The following RASGRP2 variants were observed in gnomAD, a reference collection of about 807,000 sequenced individuals.
RASGRP2 encodes RAS guanyl-releasing protein 2.
RASGRP2 carries 44 observed loss-of-function variants against 71.0 expected under a neutral mutation model. The observed-to-expected ratio is 0.62, with a 90% CI of 0.49 to 0.80. The LOEUF (loss-of-function observed/expected upper bound fraction) is 0.80. Among genes scored for constraint, RASGRP2 ranks in the 30% least tolerant of loss-of-function variants. The probability of loss-of-function intolerance (pLI) is 0.00; values close to 1 mark genes in which losing one functional copy is unlikely to be tolerated. For missense variants in RASGRP2, 663 were observed against 813.4 expected (o/e 0.82, Z 2.25); for synonymous variants, 350 against 330.7 (o/e 1.06, Z -0.63).
chr11:64,739,607 G>A lies in RASGRP2; in HGVS notation c.696+29C>T, dbSNP rs1286257396. On this transcript the variant is annotated intron_variant, in intron 7 of 16. Transcript: ENST00000394432. This position sits in a 1 kb window ranked among gnomAD's most constrained non-coding sequence, Gnocchi z 4.2. ...GGCCTGACTGGCATGTGGGGTGGTT[G>A]GGAGACACCGGGAGGGAGGGGCAGG... 6.2e-7 allele frequency: 1 copy of A among 1,612,720 alleles called. No homozygotes were observed. The highest frequency in any genetic ancestry group is 1.7e-5 in the Admixed American group (1 of 60,018).
intron 13 of RASGRP2, 31 bp downstream of exon 13, chr11:64,730,022 T>C: frequency 6.5e-7 from 1 of 1,546,472 alleles, no homozygotes; most frequent in Non-Finnish European, 8.7e-7. Flanking sequence ...GGGGCGTGGC[T>C]TGGGCCGTGA....
intron 8 of RASGRP2, among the ~76,000 whole-genome samples, chr11:64,737,561 A>G (rs1283627706): frequency 6.6e-6 from 1 of 151,764 alleles, no homozygotes; most frequent in Non-Finnish European, 1.5e-5. Flanking sequence ...AGTCCCAGCT[A>G]CTCAGGAGGC....
At position 64,727,342 on chromosome 11, in the gene RASGRP2, A is replaced by ACCT; in HGVS notation, c.1787_1789dup (p.Glu596dup). On this transcript the variant is annotated inframe_insertion, in exon 16 of 17. Transcript: ENST00000394432. ...AAACACCCCATCCTCCACCGTCTGT[A>ACCT]CCTCCTCCTCACGGATCTCTGCTGG... 1.2e-6 allele frequency: 2 copies of ACCT among 1,613,558 alleles called. No individual in the cohort carries two copies. Among genetic ancestry groups the ACCT allele is most frequent in the Non-Finnish European group, 1.7e-6 (2 of 1,179,840 alleles).
At chr11:64,732,831 T>C (rs2057805521) in intron 12 of RASGRP2, among the ~76,000 whole-genome samples, 1 of 149,306 alleles carries the variant, frequency 6.7e-6, no homozygotes, top group Non-Finnish European at 1.5e-5. Context: ...GCGCCTGTAA[T>C]CCCAGCTACT....
intron 3 of RASGRP2, 28 bp downstream of exon 3, chr11:64,741,982 G>T (rs1463776996): frequency 6.3e-7 from 1 of 1,586,174 alleles, no homozygotes; most frequent in Non-Finnish European, 8.6e-7. Context: ...CCGACGGCGG[G>T]GGCCTTGGCA....
At chr11:64,741,682 T>C in intron 3 of RASGRP2, 181 bp from the exon 4 acceptor site, 1 of 706,790 alleles carries the variant, frequency 1.4e-6, no homozygotes, top group South Asian at 1.6e-5. Context: ...GAGGACTAGG[T>C]GCTGAGGGAG....
At chr11:64,737,261 C>A (rs965859256) in intron 8 of RASGRP2, 5 of 582,298 alleles carry the variant, frequency 8.6e-6, no homozygotes, top group Middle Eastern at 9.3e-4. Context: ...CTAAACCAGG[C>A]CTGGATGCAG....
chr11:64,727,146 A>T lies in RASGRP2; in HGVS notation c.*7-15T>A. The T allele has an allele frequency of 1.5e-6, 1 of 675,056 alleles. No homozygotes were observed. The highest frequency in any genetic ancestry group is 1.5e-5 in the South Asian group (1 of 64,586). The allele number at this position is 675,056 out of a possible 1,614,324, so 41.8% of individuals were successfully genotyped here. On this transcript the variant is annotated splice_polypyrimidine_tract_variant and intron_variant, in intron 16 of 16. Transcript: ENST00000394432. ...TCCAACCACAGCTGGGAAGAGAAAA[A>T]CAGGTTGTGAGGAAGACACCCCCCT...
chr11:64,743,168 G>A lies in RASGRP2; in HGVS notation c.-71-231C>T, dbSNP rs1267090703. The A allele has an allele frequency of 3.3e-6, 2 of 604,934 alleles. No individual in the cohort carries two copies. The highest frequency in any genetic ancestry group is 6.2e-6 in the Non-Finnish European group (2 of 323,470). 37.5% of individuals were successfully genotyped at this position (604,934 alleles called of 1,614,324 possible). A position where few individuals can be genotyped will look rare whatever the true frequency, so the allele number is the denominator to read the frequency against. ...CCCTCGGAGTCGCGGGAAGGCCGAG[G>A]GGCTTCACGAGGATGGGGACGAACC... is the stretch of plus-strand genomic sequence containing the variant. On this transcript the variant is annotated intron_variant, in intron 1 of 16. Transcript: ENST00000394432. This position sits in a 1 kb window ranked among gnomAD's most constrained non-coding sequence, Gnocchi z 4.9.
Position 64,739,496 on chromosome 11 carries a change from G to C in RASGRP2, c.697-20C>G, listed in dbSNP as rs374926495. 28 of 1,611,232 alleles carry C rather than the reference G, an allele frequency of 1.7e-5. No homozygotes were observed. Among genetic ancestry groups the C allele is most frequent in the Non-Finnish European group, 2.3e-5 (27 of 1,177,528 alleles). Reference sequence around the variant, plus strand: ...CAGCTTCTGGAAGGCAAATGGGGACGGAGAGGCAGGGAGTCACTGAGTGGG... The same window carrying C: ...CAGCTTCTGGAAGGCAAATGGGGACCGAGAGGCAGGGAGTCACTGAGTGGG... On this transcript the variant is annotated intron_variant, in intron 7 of 16. Transcript: ENST00000394432. The surrounding 1 kb of genome is among the most constrained non-coding windows in gnomAD (Gnocchi z 4.2).
chr11:64,744,972 C>T (rs1342710043), upstream of RASGRP2: 2 of 150,630 alleles, frequency 1.3e-5, no homozygotes, highest in Admixed American at 1.3e-4. Context: ...CCCTCTCGCC[C>T]CGCACGCGGC....
chr11:64,740,574 G>A (rs140783320), intron 5 of RASGRP2: 28 of 661,424 alleles, frequency 4.2e-5, no homozygotes, highest in Admixed American at 1.7e-4. Context: ...ATTCTACCCC[G>A]GAAGAGCCCC....
chr11:64,743,306 CCCTCCCTCCACAG>C lies in RASGRP2; in HGVS notation c.-71-382_-71-370del. 1 of 459,866 alleles carries C rather than the reference CCCTCCCTCCACAG, an allele frequency of 2.2e-6. No homozygotes were observed. The highest frequency in any genetic ancestry group is 4.3e-6 in the Non-Finnish European group (1 of 230,574). The allele number at this position is 459,866 out of a possible 1,614,324, so 28.5% of individuals were successfully genotyped here. A position where few individuals can be genotyped will look rare whatever the true frequency, so the allele number is the denominator to read the frequency against. ...GCTCGGCTCTGCGCCCCTCCCGCTT[CCCTCCCTCCACAG>C]CCTCCCTTCCCCCGCAGGGTTATTT... is the stretch of plus-strand genomic sequence containing the variant. On this transcript the variant is annotated intron_variant, in intron 1 of 16. Transcript: ENST00000394432. The surrounding 1 kb of genome is among the most constrained non-coding windows in gnomAD (Gnocchi z 4.9).
rs1041119294 is a variant in RASGRP2, at chr11:64,743,935, G to C, written c.-72+68C>G. On this transcript the variant is annotated intron_variant, in intron 1 of 16. Transcript: ENST00000394432. This position sits in a 1 kb window ranked among gnomAD's most constrained non-coding sequence, Gnocchi z 4.9. ...CACAGGCACCGGCCTCCCATCCTCCGTCTCTCACACACAATGGCACCCACA... is the reference window on the plus strand; with the variant it reads ...CACAGGCACCGGCCTCCCATCCTCCCTCTCTCACACACAATGGCACCCACA... 4 of 993,646 alleles carry C rather than the reference G, an allele frequency of 4.0e-6. No individual in the cohort carries two copies. Among genetic ancestry groups the C allele is most frequent in the Non-Finnish European group, 4.8e-6 (4 of 827,902 alleles). The allele number at this position is 993,646 out of a possible 1,614,324, so 61.6% of individuals were successfully genotyped here.
Position 64,740,458 on chromosome 11 carries a change from G to A in RASGRP2, c.372-295C>T, listed in dbSNP as rs768212600. ...GAGGAGCTCACAGTCTACTGAGGGA[G>A]ACAGACACAGAAACACATGATCACA... On this transcript the variant is annotated intron_variant, in intron 5 of 16. Transcript: ENST00000394432. 21 of 641,684 alleles carry A rather than the reference G, an allele frequency of 3.3e-5. 1 individual carries two copies. Among genetic ancestry groups the A allele is most frequent in the South Asian group, 3.2e-4 (21 of 66,080 alleles). 39.7% of individuals were successfully genotyped at this position (641,684 alleles called of 1,614,324 possible). A position where few individuals can be genotyped will look rare whatever the true frequency, so the allele number is the denominator to read the frequency against.
At chr11:64,727,973 T>C (rs2057628267) in intron 15 of RASGRP2, among the ~76,000 whole-genome samples, 1 of 152,254 alleles carries the variant, frequency 6.6e-6, no homozygotes, top group Non-Finnish European at 1.5e-5. Flanking sequence ...AATGGATTTA[T>C]CTTTTCTATT....
Position 64,735,672 on chromosome 11 carries a change from A to C in RASGRP2, c.1174-8T>G. 3 of 1,607,712 alleles carry C rather than the reference A, an allele frequency of 1.9e-6. No homozygotes were observed. Among genetic ancestry groups the C allele is most frequent in the Non-Finnish European group, 2.5e-6 (3 of 1,177,810 alleles). ...ACTCGTGGGGCTGGTTGGCTATGGA[A>C]ATGGTCGGGCCTGAGCTAGGGCCAG... is the stretch of plus-strand genomic sequence containing the variant. On this transcript the variant is annotated splice_region_variant and splice_polypyrimidine_tract_variant and intron_variant, in intron 10 of 16. Transcript: ENST00000394432. The surrounding 1 kb of genome is among the most constrained non-coding windows in gnomAD (Gnocchi z 4.2).
In RASGRP2 at chr11:64,736,813, G is replaced by A. The variant is rs900088666; in HGVS notation, c.1035C>T (p.Ala345=). ...KQLFSILEEL[A]MVTSLRPPVQ... ...CTGGTGGCCGCAGGCTGGTCACCAT[G>A]GCCAGCTCCTCCAGGATGCTAAAGA... Residue 345 remains alanine (A), a synonymous_variant, in exon 9 of 17, where the codon GCC becomes GCT. Transcript: ENST00000394432. 6.2e-7 allele frequency: 1 copy of A among 1,611,098 alleles called. No individual in the cohort carries two copies.
At position 64,735,557 on chromosome 11, in the gene RASGRP2, G is replaced by A. The variant is rs907671862; in HGVS notation, c.1281C>T (p.Ile427=). The A allele has an allele frequency of 4.3e-6, 7 of 1,614,042 alleles. No individual in the cohort carries two copies. Among genetic ancestry groups the A allele is most frequent in the South Asian group, 1.1e-5 (1 of 91,088 alleles). The change falls in exon 11 of 17, where the codon ATC becomes ATT. Residue 427 remains isoleucine, a synonymous_variant. Transcript: ENST00000394432. This position sits in a 1 kb window ranked among gnomAD's most constrained non-coding sequence, Gnocchi z 4.2. ...KLDQALVVEH[I]EKMVESVFRN... is the part of the protein sequence containing the mutation. The stretch of plus-strand genomic sequence containing the variant: ...AGGAGCTCACCTCCACCATCTTCTC[G>A]ATGTGCTCCACCACGAGGGCCTGAT...
Sources: gnomAD v4.1 joint callset for allele counts (sites outside exome capture counted in the v4.1 genomes callset) on GRCh38, gnomAD v4.1.1 for gene constraint, Gnocchi (gnomAD v3.1) non-coding constraint, MANE v1.5 for transcripts, NCBI Gene and HGNC (gene_info 2026-07-23, HGNC 2026-07-21) for gene names.